Variants in PTPRQ observed in about 807,000 individuals in gnomAD.
PTPRQ encodes protein tyrosine phosphatase receptor type Q, also known as phosphatidylinositol phosphatase PTPRQ.
A neutral mutation model predicts 246.0 loss-of-function variants in PTPRQ; 199 were observed. The observed-to-expected ratio is 0.81, with a 90% CI of 0.72 to 0.91. The LOEUF (loss-of-function observed/expected upper bound fraction) is 0.91, where lower values mean the gene tolerates loss of function less well. Ranked by LOEUF, PTPRQ falls within the 40% of genes least tolerant of loss-of-function variation. The pLI is 0.00. For synonymous variants in PTPRQ, 869 were observed against 853.2 expected (o/e 1.02, Z -0.32); for missense variants, 2,624 against 2,528.4 (o/e 1.04, Z -0.81).
In PTPRQ at chr12:80,495,176, C is replaced by A; in HGVS notation, c.1703-16C>A. ...GATACTTTTTTTTCATTCATATGTT[C>A]ATTCTTCTTTTTAAGTGCCAAGCTC... On this transcript the variant is annotated splice_polypyrimidine_tract_variant and intron_variant, in intron 11 of 44. Transcript: ENST00000644991. 2 of 1,544,390 alleles carry A rather than the reference C, an allele frequency of 1.3e-6. No individual in the cohort carries two copies. The highest frequency in any genetic ancestry group is 2.4e-5 in the South Asian group (2 of 81,638).
At chr12:80,671,854 C>T (rs1049586851) in intron 42 of PTPRQ, among the ~76,000 whole-genome samples, 2 of 151,956 alleles carry the variant, frequency 1.3e-5, no homozygotes, top group African/African-American at 2.4e-5. Context: ...TCTAACCCAC[C>T]AGCAAATACT....
At chr12:80,578,370 G>GA (rs920570892) in intron 25 of PTPRQ, among the ~76,000 whole-genome samples, 13 of 151,496 alleles carry the variant, frequency 8.6e-5, no homozygotes, top group Admixed American at 2.0e-4. Context: ...ATCAGAATGG[G>GA]AAAAAATTTT....
intron 26 of PTPRQ, among the ~76,000 whole-genome samples, chr12:80,595,289 C>T (rs1051801785): frequency 6.6e-6 from 1 of 151,980 alleles, no homozygotes; most frequent in Non-Finnish European, 1.5e-5. Flanking sequence ...TAGCCAGCCG[C>T]GCATGTCTTA....
At chr12:80,498,156 A>ATTGT (rs1325105455) in intron 14 of PTPRQ, among the ~76,000 whole-genome samples, 1 of 152,026 alleles carries the variant, frequency 6.6e-6, no homozygotes, top group East Asian at 1.9e-4. Flanking sequence ...TTTTGTAGAT[A>ATTGT]TTGTACCTGA....
chr12:80,525,090 C>A (rs549812634), intron 17 of PTPRQ, among the ~76,000 whole-genome samples: 2 of 152,164 alleles, frequency 1.3e-5, no homozygotes, highest in South Asian at 4.1e-4. Flanking sequence ...TCTATTATGA[C>A]AGAATGATAA....
At chr12:80,538,281 C>T (rs990753056) in intron 19 of PTPRQ, among the ~76,000 whole-genome samples, 1 of 152,098 alleles carries the variant, frequency 6.6e-6, no homozygotes, top group Admixed American at 6.5e-5. Flanking sequence ...AAATAATCAT[C>T]TGGATAATTG....
At chr12:80,537,670 C>T (rs985345272) in intron 19 of PTPRQ, among the ~76,000 whole-genome samples, 1 of 152,140 alleles carries the variant, frequency 6.6e-6, no homozygotes. Context: ...AGAATTTAAC[C>T]TCTTTGCTAC....
intron 35 of PTPRQ, among the ~76,000 whole-genome samples, chr12:80,648,415 T>A (rs745988104): frequency 7.2e-5 from 11 of 151,872 alleles, no homozygotes; most frequent in Non-Finnish European, 1.6e-4. Flanking sequence ...GAAATAGTTA[T>A]AATTTGTTGT....
rs1278892070 is a variant in PTPRQ, at chr12:80,542,777, G to A, written c.3769G>A (p.Asp1257Asn). Reference sequence around the variant, plus strand: ...TTTGACTTTAATCAACTGTACTTCAGACTTTGTATGGCTGAAATGGAGCCC... The same window carrying A: ...TTTGACTTTAATCAACTGTACTTCAAACTTTGTATGGCTGAAATGGAGCCC... ...QNLTLINCTS[D>N]FVWLKWSPSP... Residue 1257 changes from aspartate to asparagine, a missense_variant, in exon 23 of 45, where the codon GAC (aspartate) becomes AAC (asparagine). By Grantham distance (23) the Asp-to-Asn change is conservative. Coordinates refer to ENST00000644991, the MANE Select transcript of PTPRQ (RefSeq NM_001145026.2). The A allele has an allele frequency of 6.5e-7, 1 of 1,549,434 alleles. No homozygotes were observed.
chr12:80,597,167 T>C (rs1897996818), intron 26 of PTPRQ, among the ~76,000 whole-genome samples: 1 of 152,140 alleles, frequency 6.6e-6, no homozygotes, highest in East Asian at 1.9e-4. Flanking sequence ...CTTTTGAGGT[T>C]TCTGATACCC....
rs1315881204 is a variant in PTPRQ, at chr12:80,616,113, A to C, written c.5164-87A>C. On this transcript the variant is annotated intron_variant, in intron 29 of 44. Transcript: ENST00000644991. Reference sequence around the variant, plus strand: ...TATATATAACTATATATATACATACATATATAGATACATGCATATATATAT... The same window carrying C: ...TATATATAACTATATATATACATACCTATATAGATACATGCATATATATAT... 1.4e-5 allele frequency: 11 copies of C among 792,240 alleles called. No homozygotes were observed. In the Admixed American group the frequency reaches 4.6e-4, roughly 33 times the overall value. 49.1% of individuals were successfully genotyped at this position (792,240 alleles called of 1,614,324 possible). A position where few individuals can be genotyped will look rare whatever the true frequency, so the allele number is the denominator to read the frequency against.
rs558622582 is a variant in PTPRQ, at chr12:80,629,731, A to G, written c.5687-2461A>G. On this transcript the variant is annotated intron_variant, in intron 33 of 44. Coordinates refer to ENST00000644991, the MANE Select transcript of PTPRQ (RefSeq NM_001145026.2). ...ACGATTGTCCTTGCTTGTATGTTGAAAATAGGTGGAACAAGGACAAAGGTG... is the reference window on the plus strand; with the variant it reads ...ACGATTGTCCTTGCTTGTATGTTGAGAATAGGTGGAACAAGGACAAAGGTG... Among the ~76,000 whole-genome samples the G allele has an allele frequency of 1.2e-3, 186 of 152,248 alleles. 1 individual carries two copies. The highest frequency in any genetic ancestry group is 4.4e-3 in the African/African-American group (182 of 41,556).
intron 6 of PTPRQ, among the ~76,000 whole-genome samples, chr12:80,463,680 C>G (rs7486750): frequency 2.0e-5 from 3 of 151,732 alleles, no homozygotes; most frequent in South Asian, 2.1e-4. Flanking sequence ...CGGCAGAAAC[C>G]CTAGAAGCCA....
intron 6 of PTPRQ, among the ~76,000 whole-genome samples, chr12:80,464,240 T>A (rs1893318109): frequency 7.3e-6 from 1 of 137,428 alleles, no homozygotes; most frequent in South Asian, 2.6e-4. Flanking sequence ...TAAAACAGAC[T>A]TTAAACCAAC....
chr12:80,606,254 G>T (rs1302974604), intron 27 of PTPRQ, among the ~76,000 whole-genome samples: 2 of 150,906 alleles, frequency 1.3e-5, no homozygotes, highest in African/African-American at 2.4e-5. Context: ...TGGATTTCCA[G>T]ATTTGGGTAA....
At position 80,605,133 on chromosome 12, in the gene PTPRQ, C is replaced by A; in HGVS notation, c.4684C>A (p.Pro1562Thr). The change falls in exon 27 of 45, where the codon CCT becomes ACT. Residue 1562 changes from proline (P) to threonine (T), a missense_variant. Pro to Thr is a conservative substitution (Grantham distance 38). Coordinates refer to ENST00000644991, the MANE Select transcript of PTPRQ (RefSeq NM_001145026.2). ...TAGCATCAGCATAAGCTGGAGTGAACCTGCTGTCATTACTGGACCAACATG... is the reference window on the plus strand; with the variant it reads ...TAGCATCAGCATAAGCTGGAGTGAAACTGCTGTCATTACTGGACCAACATG... ...PFSISISWSE[P>T]AVITGPTCYL... The A allele has an allele frequency of 1.3e-6, 2 of 1,545,520 alleles. No individual in the cohort carries two copies. Among genetic ancestry groups the A allele is most frequent in the South Asian group, 1.2e-5 (1 of 83,516 alleles).
chr12:80,489,781 A>T (rs1291546193), intron 9 of PTPRQ, among the ~76,000 whole-genome samples: 4 of 151,844 alleles, frequency 2.6e-5, no homozygotes, highest in African/African-American at 7.2e-5. Context: ...AGTCTAAAAA[A>T]CCCTGAAGTC....
At chr12:80,652,693 T>G (rs899183765) in intron 37 of PTPRQ, 51 bp from the exon 38 acceptor site, 1 of 1,443,360 alleles carries the variant, frequency 6.9e-7, no homozygotes, top group African/African-American at 1.5e-5. Flanking sequence ...TAAGTGAAAT[T>G]TCTTGTTTAC....
chr12:80,669,046 C>T lies in PTPRQ; in HGVS notation c.6232C>T (p.Pro2078Ser), dbSNP rs1411795828. Residue 2078 changes from proline to serine, a missense_variant, in exon 40 of 45, where the codon CCA (proline) becomes TCA (serine). Physicochemically the swap from Pro to Ser is moderately conservative, Grantham distance 74 (BLOSUM62 -1). Coordinates refer to ENST00000644991, the MANE Select transcript of PTPRQ (RefSeq NM_001145026.2). ...CPNEFIATQGPLPGTVGDFWR... is the reference protein window; with the variant it reads ...CPNEFIATQGSLPGTVGDFWR... The stretch of plus-strand genomic sequence containing the variant: ...AAATGAATTTATTGCTACTCAAGGT[C>T]CACTACCAGGAACAGTTGGAGATTT... The T allele has an allele frequency of 5.4e-5, 83 of 1,550,108 alleles. No homozygotes were observed. Among genetic ancestry groups the T allele is most frequent in the Non-Finnish European group, 7.2e-5 (82 of 1,145,976 alleles).
Sources: gnomAD v4.1 joint callset for allele counts (sites outside exome capture counted in the v4.1 genomes callset) on GRCh38, gnomAD v4.1.1 for gene constraint, MANE v1.5 for transcripts, NCBI Gene and HGNC (gene_info 2026-07-23, HGNC 2026-07-21) for gene names.